The following CADPS variants were observed in gnomAD, a reference collection of about 807,000 sequenced individuals.
The protein encoded by CADPS is calcium-dependent secretion activator 1.
Under a neutral mutation model 167.3 loss-of-function variants are expected in CADPS, and 57 were observed. That is an observed-to-expected ratio of 0.34 (90% confidence interval 0.28 to 0.42). The LOEUF (loss-of-function observed/expected upper bound fraction) is 0.42. CADPS is among the 20% of genes least tolerant of loss of function. The probability of loss-of-function intolerance (pLI) is 1.00; values close to 1 mark genes in which losing one functional copy is unlikely to be tolerated. For missense variants in CADPS, 1,414 were observed against 1,738.1 expected (o/e 0.81, Z 3.32); for synonymous variants, 676 against 635.3 (o/e 1.06, Z -0.96).
chr3:62,859,390 C>T (rs998648597), intron 1 of CADPS, among the ~76,000 whole-genome samples: 6 of 152,160 alleles, frequency 3.9e-5, no homozygotes, highest in Non-Finnish European at 7.3e-5. Context: ...AAGAGCTCAG[C>T]ATGGCCTTCC....
chr3:62,511,257 C>T (rs576482943), intron 17 of CADPS, among the ~76,000 whole-genome samples: 1 of 152,266 alleles, frequency 6.6e-6, no homozygotes, highest in South Asian at 2.1e-4. Context: ...CCTGTCCCTG[C>T]CTACCTTGCC....
At chr3:62,588,119 A>G (rs1009246196) in intron 7 of CADPS, among the ~76,000 whole-genome samples, 5 of 152,172 alleles carry the variant, frequency 3.3e-5, no homozygotes, top group East Asian at 3.9e-4. Context: ...TTGCCTGGGC[A>G]CACAGGCAGG....
rs566825129 is a variant in CADPS at position 62,769,003 on chromosome 3, G to A, written c.442-3019C>T. Reference sequence around the variant, plus strand: ...TTTACAATTCACTACTTTTCTCACCGCTAATTCAACAAGCCTAGTGTTTAT... The same window carrying A: ...TTTACAATTCACTACTTTTCTCACCACTAATTCAACAAGCCTAGTGTTTAT... On this transcript the variant is annotated intron_variant, in intron 1 of 29. Coordinates refer to ENST00000383710, the MANE Select transcript of CADPS (RefSeq NM_003716.4). Among the ~76,000 whole-genome samples, 3 of 152,126 alleles carry A rather than the reference G, an allele frequency of 2.0e-5. No individual in the cohort carries two copies. The East Asian group carries it at 5.8e-4, about 29-fold the overall frequency.
chr3:62,615,617 C>T (rs1397807402), intron 6 of CADPS, among the ~76,000 whole-genome samples: 1 of 152,150 alleles, frequency 6.6e-6, no homozygotes, highest in Non-Finnish European at 1.5e-5. Context: ...TGAAAAACAG[C>T]TGCATGAGCA....
intron 6 of CADPS, among the ~76,000 whole-genome samples, chr3:62,636,851 G>A (rs1016769438): frequency 1.1e-4 from 17 of 151,986 alleles, no homozygotes; most frequent in African/African-American, 3.6e-4. Context: ...TCATCAAATC[G>A]AAGGCAGTCC....
chr3:62,498,195 C>G (rs1338666195), intron 18 of CADPS: 1 of 456,336 alleles, frequency 2.2e-6, no homozygotes, highest in Non-Finnish European at 4.4e-6. Flanking sequence ...AGTAGAAAAA[C>G]AGGGAGGAAA....
At chr3:62,797,967 A>G (rs1451341021) in intron 1 of CADPS, among the ~76,000 whole-genome samples, 1 of 152,244 alleles carries the variant, frequency 6.6e-6, no homozygotes, top group African/African-American at 2.4e-5. Context: ...ACATTCATTC[A>G]TTCATTCGTT....
intron 3 of CADPS, among the ~76,000 whole-genome samples, chr3:62,679,029 C>G (rs551465731): frequency 1.3e-5 from 2 of 152,080 alleles, no homozygotes; most frequent in East Asian, 3.9e-4. Context: ...CTTTTCTTTA[C>G]CCCACCTGTG....
intron 11 of CADPS, among the ~76,000 whole-genome samples, chr3:62,536,897 T>C: frequency 6.6e-6 from 1 of 152,172 alleles, no homozygotes; most frequent in East Asian, 1.9e-4. Flanking sequence ...CACCAAACAC[T>C]GAAAGCAGAT....
At chr3:62,671,230 A>G (rs1327642230) in intron 3 of CADPS, among the ~76,000 whole-genome samples, 4 of 152,084 alleles carry the variant, frequency 2.6e-5, no homozygotes. Flanking sequence ...ATGTATTACT[A>G]TTGAGGCCAG....
In CADPS at chr3:62,403,277, G is replaced by C. The variant is rs192837141; in HGVS notation, c.3778-92C>G. 4 of 782,240 alleles carry C rather than the reference G, an allele frequency of 5.1e-6. No homozygotes were observed. The African/African-American group carries it at 7.0e-5, about 14-fold the overall frequency. The allele number at this position is 782,240 out of a possible 1,614,324, so 48.5% of individuals were successfully genotyped here. A position where few individuals can be genotyped will look rare whatever the true frequency, so the allele number is the denominator to read the frequency against. ...AGGCAATGTTTGAGTACCCCACTCT[G>C]TTCCAGGAGGAAACAAAATGGTTAA... is the stretch of plus-strand genomic sequence containing the variant. On this transcript the variant is annotated intron_variant, in intron 28 of 29. Coordinates refer to ENST00000383710, the MANE Select transcript of CADPS (RefSeq NM_003716.4).
intron 9 of CADPS, among the ~76,000 whole-genome samples, chr3:62,567,712 T>C (rs921769844): frequency 1.3e-5 from 2 of 151,674 alleles, no homozygotes; most frequent in Non-Finnish European, 2.9e-5. Context: ...GTAGCTGTGA[T>C]TACAGGTGCG....
At chr3:62,471,412 T>G (rs535901546) in intron 24 of CADPS, among the ~76,000 whole-genome samples, 108 of 152,282 alleles carry the variant, frequency 7.1e-4, no homozygotes, top group Non-Finnish European at 1.2e-3. Flanking sequence ...TAATAATATA[T>G]GAAAGTATTT....
At chr3:62,517,969 GA>G (rs2069413876) in intron 14 of CADPS, among the ~76,000 whole-genome samples, 179 bp downstream of exon 14, 1 of 152,150 alleles carries the variant, frequency 6.6e-6, no homozygotes, top group Admixed American at 6.6e-5. Flanking sequence ...ATGAACTTAA[GA>G]ATGCAAAGTT....
At chr3:62,711,963 G>A (rs1321252429) in intron 3 of CADPS, among the ~76,000 whole-genome samples, 1 of 152,028 alleles carries the variant, frequency 6.6e-6, no homozygotes, top group African/African-American at 2.4e-5. Context: ...TTTATAAAAT[G>A]GGATCATACT....
chr3:62,543,834 G>A (rs9853256), intron 11 of CADPS, among the ~76,000 whole-genome samples: 11,474 of 152,052 alleles, frequency 0.075, 648 homozygotes, highest in African/African-American at 0.16. Flanking sequence ...ATTTTTGGTT[G>A]ATAGTTTTTT....
intron 24 of CADPS, among the ~76,000 whole-genome samples, chr3:62,473,315 T>C (rs1414107423): frequency 6.6e-6 from 1 of 152,084 alleles, no homozygotes; most frequent in Admixed American, 6.5e-5. Context: ...AACCCACATT[T>C]AAAAATGGAA....
chr3:62,448,756 G>A (rs2057602940), intron 26 of CADPS, among the ~76,000 whole-genome samples: 1 of 151,992 alleles, frequency 6.6e-6, no homozygotes, highest in African/African-American at 2.4e-5. Context: ...TGGGATTACA[G>A]GCACCCACCA....
At chr3:62,403,260 T>C in intron 28 of CADPS, 75 bp from the exon 29 acceptor site, 1 of 939,726 alleles carries the variant, frequency 1.1e-6, no homozygotes, top group Middle Eastern at 2.1e-4. Context: ...GCAGGCAATG[T>C]TTGAGTACCC....
Sources: allele counts gnomAD v4.1 joint callset (sites outside exome capture counted in the v4.1 genomes callset), GRCh38; gene constraint gnomAD v4.1.1; transcripts MANE v1.5; gene names NCBI Gene and HGNC (gene_info 2026-07-23, HGNC 2026-07-21).